The following ACO2 variants were observed in gnomAD, a reference collection of about 807,000 sequenced individuals.
ACO2 encodes aconitate hydratase, mitochondrial.
A neutral mutation model predicts 84.5 loss-of-function variants in ACO2; 31 were observed. That is an observed-to-expected ratio of 0.37 (90% confidence interval 0.28 to 0.50). The LOEUF (loss-of-function observed/expected upper bound fraction) is 0.50, where lower values mean the gene tolerates loss of function less well. Among genes scored for constraint, ACO2 ranks in the 20% least tolerant of loss-of-function variants. The pLI is 0.97. For synonymous variants in ACO2, 414 were observed against 412.7 expected, an observed-to-expected ratio of 1.00 and a Z score of -0.04; for missense variants, 685 against 1,029.3, an observed-to-expected ratio of 0.67 and a Z score of 4.58.
chr22:41,485,439 T>TTGTA (rs1370017302), intron 1 of ACO2, among the ~76,000 whole-genome samples: 22 of 142,738 alleles, frequency 1.5e-4, no homozygotes, highest in Admixed American at 4.1e-4. Context: ...GGCTAATTTT[T>TTGTA]TTTTTTTTTT....
intron 8 of ACO2, among the ~76,000 whole-genome samples, chr22:41,519,393 G>T (rs1236308322): frequency 6.6e-6 from 1 of 152,224 alleles, no homozygotes; most frequent in East Asian, 1.9e-4. Context: ...AGGATTGAAT[G>T]AATTCATGTA....
At chr22:41,494,887 C>T (rs1569007700) in intron 1 of ACO2, among the ~76,000 whole-genome samples, 2 of 151,776 alleles carry the variant, frequency 1.3e-5, no homozygotes, top group African/African-American at 2.4e-5. Context: ...GCGTCTGCCA[C>T]CACACCCTGC....
intron 2 of ACO2, among the ~76,000 whole-genome samples, chr22:41,502,348 GC>G (rs2066359347): frequency 6.6e-6 from 1 of 152,120 alleles, no homozygotes; most frequent in Admixed American, 6.6e-5. Context: ...GTCAGAACCG[GC>G]CATTTAACAG....
intron 3 of ACO2, among the ~76,000 whole-genome samples, chr22:41,508,959 G>C (rs1381429197): frequency 6.6e-6 from 1 of 152,154 alleles, no homozygotes. Flanking sequence ...AAACACTCGG[G>C]GCGGCGCTCT....
At chr22:41,522,752 G>A (rs2066537399) in intron 9 of ACO2, 78 bp from the exon 10 acceptor site, 1 of 1,529,542 alleles carries the variant, frequency 6.5e-7, no homozygotes. Flanking sequence ...GGCCAAGTCT[G>A]GATAATTTGA....
intron 6 of ACO2, among the ~76,000 whole-genome samples, chr22:41,516,798 C>G (rs2066479222): frequency 6.6e-6 from 1 of 152,224 alleles, no homozygotes; most frequent in Admixed American, 6.5e-5. Context: ...TCTCGGCTCA[C>G]TACAACCTCC....
At position 41,507,881 on chromosome 22, in the gene ACO2, C is replaced by CCTGCGG; in HGVS notation, c.272_277dup (p.Leu91_Arg92dup). The CCTGCGG allele has an allele frequency of 6.2e-7, 1 of 1,614,252 alleles. No homozygotes were observed. The highest frequency in any genetic ancestry group is 8.5e-7 in the Non-Finnish European group (1 of 1,180,048). On this transcript the variant is annotated inframe_insertion, in exon 3 of 18. Coordinates refer to ENST00000216254, the MANE Select transcript of ACO2 (RefSeq NM_001098.3). ...AGGAAATTGAGCGAGGCAAGTCGTA[C>CCTGCGG]CTGCGGCTGCGGCCGGACCGTGTGG...
At chr22:41,487,955 A>G (rs1173697784) in intron 1 of ACO2, among the ~76,000 whole-genome samples, 2 of 152,078 alleles carry the variant, frequency 1.3e-5, no homozygotes, top group Non-Finnish European at 2.9e-5. Context: ...AGCAAATCCT[A>G]CTATTATTAC....
intron 2 of ACO2, among the ~76,000 whole-genome samples, chr22:41,501,651 T>C (rs1372274806): frequency 6.6e-6 from 1 of 152,200 alleles, no homozygotes; most frequent in Admixed American, 6.6e-5. Flanking sequence ...AATCTGAGTC[T>C]ACCCGCTGGG....
At position 41,515,222 on chromosome 22, in the gene ACO2, A is replaced by C. The variant is rs1169163008; in HGVS notation, c.526-155A>C. ...CCCAAGGCTCTGGCTCTTCTTGGCC[A>C]CCCTGGAGACGGCCTGGATTAAATG... On this transcript the variant is annotated intron_variant, in intron 4 of 17. Coordinates refer to ENST00000216254, the MANE Select transcript of ACO2 (RefSeq NM_001098.3). The surrounding 1 kb of genome is among the most constrained non-coding windows in gnomAD (Gnocchi z 5.8). Among the ~76,000 whole-genome samples the C allele has an allele frequency of 6.6e-6, 1 of 152,180 alleles. No homozygotes were observed. The highest frequency in any genetic ancestry group is 2.4e-5 in the African/African-American group (1 of 41,444).
chr22:41,520,381 G>A, intron 9 of ACO2, 105 bp downstream of exon 9: 1 of 849,856 alleles, frequency 1.2e-6, no homozygotes, highest in Non-Finnish European at 1.8e-6. Flanking sequence ...TTCTAAGGTG[G>A]GCAGTTTCTG....
At chr22:41,485,033 C>T (rs2038135614) in intron 1 of ACO2, among the ~76,000 whole-genome samples, 1 of 152,008 alleles carries the variant, frequency 6.6e-6, no homozygotes, top group Admixed American at 6.6e-5. Context: ...TGCGACCACA[C>T]TCTGCTAATT....
intron 14 of ACO2, 72 bp downstream of exon 14, chr22:41,525,420 C>T: frequency 1.9e-6 from 3 of 1,570,102 alleles, no homozygotes; most frequent in South Asian, 1.1e-5. Context: ...TCGGGAAGGG[C>T]CATGAACCTG....
At chr22:41,470,956 T>C (rs2037939404) in intron 1 of ACO2, among the ~76,000 whole-genome samples, 1 of 152,176 alleles carries the variant, frequency 6.6e-6, no homozygotes, top group Admixed American at 6.5e-5. Flanking sequence ...ATTATAGAGT[T>C]CTTGAACTTG....
intron 2 of ACO2, 124 bp downstream of exon 2, chr22:41,499,986 G>C: frequency 7.8e-7 from 1 of 1,278,962 alleles, no homozygotes; most frequent in East Asian, 2.3e-5. Context: ...AGGTATTCAA[G>C]GTACAAAGGT....
At chr22:41,502,781 G>T (rs2066362675) in intron 2 of ACO2, among the ~76,000 whole-genome samples, 1 of 152,064 alleles carries the variant, frequency 6.6e-6, no homozygotes, top group Non-Finnish European at 1.5e-5. Context: ...GGTAATTTTT[G>T]TATTTTTAGT....
intron 1 of ACO2, among the ~76,000 whole-genome samples, chr22:41,479,233 C>A (rs1256318583): frequency 1.3e-5 from 2 of 152,256 alleles, no homozygotes; most frequent in African/African-American, 4.8e-5. Flanking sequence ...TGTGTTTGGT[C>A]CGCCCACAGA....
In ACO2 at chr22:41,524,847, T is replaced by C. The variant is rs1331134187; in HGVS notation, c.1484T>C (p.Ile495Thr). ...ETHAFVTSPE[I>T]VTALAIAGTL... is the part of the protein sequence containing the mutation. ...ACAAACTGGCCACCTCCATTTCAGA[T>C]TGTCACAGCCCTGGCCATTGCGGGA... is the stretch of plus-strand genomic sequence containing the variant. Residue 495 changes from isoleucine to threonine, a missense_variant and splice_region_variant, in exon 13 of 18, where the codon ATT becomes ACT. Coordinates refer to ENST00000216254, the MANE Select transcript of ACO2 (RefSeq NM_001098.3). 1 of 1,614,102 alleles carries C rather than the reference T, an allele frequency of 6.2e-7. No individual in the cohort carries two copies. Among genetic ancestry groups the C allele is most frequent in the Non-Finnish European group, 8.5e-7 (1 of 1,180,006 alleles).
rs992414702 is a variant in ACO2, at chr22:41,515,148, CAT to C, written c.526-225_526-224del. ...TGGGGCAGCATTCAAAGGCCCAAGA[CAT>C]ATAGCAGGAAATATCAGAGCTATTC... On this transcript the variant is annotated intron_variant, in intron 4 of 17. Transcript: ENST00000216254. This position sits in a 1 kb window ranked among gnomAD's most constrained non-coding sequence, Gnocchi z 5.8. Among the ~76,000 whole-genome samples, 3 of 152,202 alleles carry C rather than the reference CAT, an allele frequency of 2.0e-5. No individual in the cohort carries two copies. Among genetic ancestry groups the C allele is most frequent in the African/African-American group, 7.2e-5 (3 of 41,460 alleles).
Sources: gnomAD v4.1 joint callset for allele counts (sites outside exome capture counted in the v4.1 genomes callset) on GRCh38, gnomAD v4.1.1 for gene constraint, Gnocchi (gnomAD v3.1) non-coding constraint, MANE v1.5 for transcripts, NCBI Gene and HGNC (gene_info 2026-07-23, HGNC 2026-07-21) for gene names.